Variants in CEP192 observed in about 807,000 individuals in gnomAD.
The protein encoded by CEP192 is centrosomal protein of 192 kDa.
In CEP192, 151 loss-of-function variants were observed where a neutral mutation model predicts 271.8. The ratio of observed to expected loss-of-function variants is 0.56; its 90% CI spans 0.49 to 0.64. The LOEUF (loss-of-function observed/expected upper bound fraction) is 0.64. CEP192 is among the 30% of genes least tolerant of loss of function. The pLI is 0.00. For synonymous variants in CEP192, 995 were observed against 1,076.5 expected, an observed-to-expected ratio of 0.92 and a Z score of 1.48; for missense variants, 2,910 against 3,020.5, an observed-to-expected ratio of 0.96 and a Z score of 0.86.
At chr18:13,070,209 C>T (rs1025107765) in intron 27 of CEP192, among the ~76,000 whole-genome samples, 1 of 152,092 alleles carries the variant, frequency 6.6e-6, no homozygotes, top group African/African-American at 2.4e-5. Context: ...AAAACAGCCA[C>T]TCACATGTGC....
Position 13,049,254 on chromosome 18 carries a change from C to A in CEP192, c.2463C>A (p.Asp821Glu). The change falls in exon 16 of 45, where the codon GAC (aspartate) becomes GAA (glutamate). Residue 821 changes from aspartate to glutamate, a missense_variant. Physicochemically the swap from Asp to Glu is conservative, Grantham distance 45 (BLOSUM62 2). Coordinates refer to ENST00000506447, the MANE Select transcript of CEP192 (RefSeq NM_032142.4). ...TGCCCAAAGAACAAACTACTCAAGA[C>A]ATTCATCCGGTGGACTTAAGTGCTA... ...LSLPKEQTTQ[D>E]IHPVDLSATS... The A allele has an allele frequency of 6.2e-7, 1 of 1,614,148 alleles. No individual in the cohort carries two copies.
intron 11 of CEP192, among the ~76,000 whole-genome samples, chr18:13,033,823 G>A (rs1249213779): frequency 1.3e-5 from 2 of 152,198 alleles, no homozygotes; most frequent in Non-Finnish European, 1.5e-5. Context: ...TCTAACATTT[G>A]TGTAGAAAGG....
chr18:13,077,648 C>T (rs1401455055), intron 30 of CEP192, among the ~76,000 whole-genome samples: 1 of 152,178 alleles, frequency 6.6e-6, no homozygotes, highest in Non-Finnish European at 1.5e-5. Context: ...TGTGCTGCTT[C>T]CTCCGTTGAC....
chr18:13,101,779 C>T (rs1285686614), intron 38 of CEP192, among the ~76,000 whole-genome samples: 2 of 152,164 alleles, frequency 1.3e-5, no homozygotes. Context: ...CCACTGAGGG[C>T]TCACAGCAGT....
intron 29 of CEP192, 65 bp downstream of exon 29, chr18:13,072,910 A>AC (rs2038087583): frequency 2.0e-6 from 3 of 1,534,528 alleles, no homozygotes; most frequent in Admixed American, 1.7e-5. Flanking sequence ...GCATATGCAG[A>AC]CCTTTTTGTG....
chr18:13,096,431 A>G, intron 36 of CEP192, 124 bp downstream of exon 36: 1 of 1,284,484 alleles, frequency 7.8e-7, no homozygotes, highest in Non-Finnish European at 1.1e-6. Flanking sequence ...GACTCTGCAC[A>G]AAGCATGTGC....
intron 43 of CEP192, among the ~76,000 whole-genome samples, chr18:13,117,275 A>G (rs555903820): frequency 6.6e-6 from 1 of 152,298 alleles, no homozygotes; most frequent in Admixed American, 6.5e-5. Flanking sequence ...ACTCACTGGA[A>G]GTTTATAACC....
chr18:13,114,781 A>T (rs1259908952), intron 42 of CEP192, among the ~76,000 whole-genome samples: 2 of 152,254 alleles, frequency 1.3e-5, no homozygotes, highest in Non-Finnish European at 2.9e-5. Context: ...GCGAGGTCAC[A>T]TGATAACCAT....
chr18:13,090,621 T>C (rs2039096046), intron 33 of CEP192, among the ~76,000 whole-genome samples: 1 of 152,104 alleles, frequency 6.6e-6, no homozygotes. Context: ...GATCATCTGC[T>C]CAAAGGGAAG....
At chr18:13,071,958 A>G (rs953830164) in intron 28 of CEP192, among the ~76,000 whole-genome samples, 4 of 152,210 alleles carry the variant, frequency 2.6e-5, no homozygotes, top group African/African-American at 9.6e-5. Flanking sequence ...GTGCTTTACA[A>G]ATTATTAAAT....
chr18:13,041,601 A>G (rs1332254444), intron 14 of CEP192, among the ~76,000 whole-genome samples: 2 of 147,328 alleles, frequency 1.4e-5, no homozygotes, highest in Admixed American at 1.4e-4. Flanking sequence ...TTTTTGAGAC[A>G]GAGTCTCTCT....
intron 30 of CEP192, among the ~76,000 whole-genome samples, chr18:13,083,804 G>A (rs1449155687): frequency 6.6e-6 from 1 of 152,178 alleles, no homozygotes; most frequent in East Asian, 1.9e-4. Context: ...GGGTTTTGGT[G>A]TGGATGTCCT....
At chr18:13,029,212 A>G (rs2035476417) in intron 9 of CEP192, among the ~76,000 whole-genome samples, 1 of 152,232 alleles carries the variant, frequency 6.6e-6, no homozygotes, top group Non-Finnish European at 1.5e-5. Flanking sequence ...ATTTTACTGG[A>G]CTGGCCAGGG....
chr18:13,004,421 C>T (rs58910186), intron 3 of CEP192, among the ~76,000 whole-genome samples: 37,470 of 151,890 alleles, frequency 0.25, 5,475 homozygotes, highest in East Asian at 0.44. Context: ...ACGTCTGTGT[C>T]AGTAAGAGAG....
Position 13,087,428 on chromosome 18 carries a change from T to A in CEP192, c.5878-103T>A, listed in dbSNP as rs2038947475. ...TCTTGGAAATGCCATGCGTATGCAC[T>A]TGTGTCTGTGTCGAATTTTTAGGCT... On this transcript the variant is annotated intron_variant, in intron 31 of 44. Transcript: ENST00000506447. The A allele has an allele frequency of 5.5e-6, 5 of 914,962 alleles. No homozygotes were observed. The East Asian group carries it at 1.3e-4, about 24-fold the overall frequency. The allele number at this position is 914,962 out of a possible 1,614,324, so 56.7% of individuals were successfully genotyped here. A position where few individuals can be genotyped will look rare whatever the true frequency, so the allele number is the denominator to read the frequency against.
chr18:13,009,949 A>G (rs977051252), intron 4 of CEP192, among the ~76,000 whole-genome samples: 4 of 152,182 alleles, frequency 2.6e-5, no homozygotes, highest in African/African-American at 9.7e-5. Context: ...GCTTGAGCCC[A>G]GGAGTTCAAT....
intron 9 of CEP192, among the ~76,000 whole-genome samples, chr18:13,026,651 G>T (rs1020804382): frequency 6.6e-6 from 1 of 152,094 alleles, no homozygotes; most frequent in African/African-American, 2.4e-5. Context: ...TATCTTTCCT[G>T]TGCTGTGTCC....
At position 13,068,934 on chromosome 18, in the gene CEP192, T is replaced by G. The variant is rs1432994155; in HGVS notation, c.4905T>G (p.Ser1635Arg). ...DSPNPTPVLR[S>R]VSLRARAGIA... ...CAAACCCTACGCCCGTTCTTAGAAG[T>G]GTGAGTCTCCGAGCAAGAGCAGGAA... is the stretch of plus-strand genomic sequence containing the variant. Residue 1635 changes from serine to arginine, a missense_variant, in exon 25 of 45, where the codon AGT becomes AGG. Coordinates refer to ENST00000506447, the MANE Select transcript of CEP192 (RefSeq NM_032142.4). 2 of 1,614,158 alleles carry G rather than the reference T, an allele frequency of 1.2e-6. No individual in the cohort carries two copies. Among genetic ancestry groups the G allele is most frequent in the African/African-American group, 2.7e-5 (2 of 75,038 alleles).
At chr18:13,025,751 A>G (rs983622218) in intron 9 of CEP192, among the ~76,000 whole-genome samples, 2 of 152,160 alleles carry the variant, frequency 1.3e-5, no homozygotes, top group African/African-American at 4.8e-5. Context: ...TATCATTGCT[A>G]TCATTCATTT....
Sources: allele counts gnomAD v4.1 joint callset (sites outside exome capture counted in the v4.1 genomes callset), GRCh38; gene constraint gnomAD v4.1.1; transcripts MANE v1.5; gene names NCBI Gene and HGNC (gene_info 2026-07-23, HGNC 2026-07-21).